The following AP2A2 variants were observed in gnomAD, a reference collection of about 807,000 sequenced individuals.
AP2A2 encodes adaptor related protein complex 2 subunit alpha 2.
Under a neutral mutation model 104.2 loss-of-function variants are expected in AP2A2, and 32 were observed. That is an observed-to-expected ratio of 0.31 (90% confidence interval 0.23 to 0.41). The LOEUF is 0.41. Among genes scored for constraint, AP2A2 ranks in the 10% least tolerant of loss-of-function variants. The probability of loss-of-function intolerance (pLI) is 1.00; values close to 1 mark genes in which losing one functional copy is unlikely to be tolerated. For missense variants in AP2A2, 912 were observed against 1,261.0 expected, an observed-to-expected ratio of 0.72 and a Z score of 4.19; for synonymous variants, 539 against 533.3, an observed-to-expected ratio of 1.01 and a Z score of -0.15.
chr11:1,006,943 C>T (rs753454268), intron 17 of AP2A2: 1 of 248,826 alleles, frequency 4.0e-6, no homozygotes, highest in Non-Finnish European at 7.7e-6. Flanking sequence ...AACCCCTCCT[C>T]TCCGAAGCCT....
At chr11:980,166 C>G (rs112351760) in intron 5 of AP2A2, among the ~76,000 whole-genome samples, 1 of 2 alleles carries the variant, frequency 0.5, no homozygotes. Flanking sequence ...CGGTGACAGG[C>G]TGCCCGGTGC....
rs758908829 is a variant in AP2A2 at position 988,536 on chromosome 11, G to C, written c.1132-16G>C. 3 of 1,608,188 alleles carry C rather than the reference G, an allele frequency of 1.9e-6. No individual in the cohort carries two copies. Among genetic ancestry groups the C allele is most frequent in the African/African-American group, 1.3e-5 (1 of 75,046 alleles). On this transcript the variant is annotated splice_polypyrimidine_tract_variant and intron_variant, in intron 9 of 21. Transcript: ENST00000448903. ...CCTTGCTCCTGCGACCTCTTACTCT[G>C]TGCCTTGTTCCCCAGACTGAGCGGG... is the stretch of plus-strand genomic sequence containing the variant.
intron 20 of AP2A2, 54 bp from the exon 21 acceptor site, chr11:1,009,628 AC>A (rs1400238560): frequency 6.9e-7 from 1 of 1,457,966 alleles, no homozygotes; most frequent in Admixed American, 2.0e-5. Flanking sequence ...GCCCCGGGGG[AC>A]ACGCTGCCCG....
At chr11:926,602 C>G (rs1399811000) in intron 1 of AP2A2, among the ~76,000 whole-genome samples, 1 of 152,178 alleles carries the variant, frequency 6.6e-6, no homozygotes, top group Admixed American at 6.5e-5. Flanking sequence ...TGGATTTTAG[C>G]TTTGGGAGCA....
rs373540497 is a variant in AP2A2 at position 984,759 on chromosome 11, G to A, written c.814+6G>A. ...GCAGTGCTACCCACCCCCAGGTAAC[G>A]CGCAGGCCGCGGCTCCTGAAGCTGC... On this transcript the variant is annotated splice_donor_region_variant and intron_variant, in intron 7 of 21. Transcript: ENST00000448903. 3.1e-5 allele frequency: 49 copies of A among 1,592,676 alleles called. No homozygotes were observed. The highest frequency in any genetic ancestry group is 1.7e-4 in the Middle Eastern group (1 of 6,052).
At chr11:980,861 G>A (rs1236040829) in intron 5 of AP2A2, among the ~76,000 whole-genome samples, 1 of 152,270 alleles carries the variant, frequency 6.6e-6, no homozygotes, top group Non-Finnish European at 1.5e-5. Context: ...GCAGATGACG[G>A]TGGAGGCCAG....
intron 14 of AP2A2, chr11:995,293 G>A (rs576217270): frequency 6.6e-6 from 3 of 455,888 alleles, no homozygotes; most frequent in Admixed American, 4.7e-5. Flanking sequence ...TGTGTGATGC[G>A]ATGAGAATAA....
chr11:964,189 T>C (rs547705728), intron 2 of AP2A2, among the ~76,000 whole-genome samples: 1 of 152,198 alleles, frequency 6.6e-6, no homozygotes, highest in East Asian at 1.9e-4. Flanking sequence ...TGTCTTGACA[T>C]GGGGGTGCTC....
intron 6 of AP2A2, among the ~76,000 whole-genome samples, chr11:984,255 G>A (rs560312303): frequency 6.6e-6 from 1 of 152,302 alleles, no homozygotes; most frequent in South Asian, 2.1e-4. Flanking sequence ...TGTGGTCGGG[G>A]GGCCCTGTGG....
chr11:935,248 G>A (rs115117061), intron 1 of AP2A2, among the ~76,000 whole-genome samples: 4,235 of 152,092 alleles, frequency 0.028, 202 homozygotes, highest in African/African-American at 0.095. Context: ...TAGTAGAGAC[G>A]GACTTTCACC....
chr11:973,512 C>G (rs1391079612), intron 4 of AP2A2, among the ~76,000 whole-genome samples: 1 of 152,170 alleles, frequency 6.6e-6, no homozygotes, highest in East Asian at 1.9e-4. Context: ...ATGGGTGACC[C>G]CACAGTAGGA....
At position 1,011,965 on chromosome 11, in the gene AP2A2, G is replaced by T; in HGVS notation, c.*1340G>T. 1 of 161,848 alleles carries T rather than the reference G, an allele frequency of 6.2e-6. No individual in the cohort carries two copies. The allele number at this position is 161,848 out of a possible 1,614,324, so 10.0% of individuals were successfully genotyped here. A position where few individuals can be genotyped will look rare whatever the true frequency, so the allele number is the denominator to read the frequency against. On this transcript the variant is annotated 3_prime_UTR_variant, in exon 22 of 22. Transcript: ENST00000448903. ...TGCGCCTCTCGCACAGGCCATTCTG[G>T]GTCTGGTGGTGCCAGGTGCCGTGAC...
chr11:1,008,709 A>G (rs1856297473), intron 18 of AP2A2: 1 of 252,494 alleles, frequency 4.0e-6, no homozygotes, highest in African/African-American at 2.2e-5. Context: ...AACATTAAAA[A>G]GACAGAGAAC....
At chr11:967,455 G>A (rs903103432) in intron 2 of AP2A2, among the ~76,000 whole-genome samples, 4 of 151,764 alleles carry the variant, frequency 2.6e-5, no homozygotes, top group Non-Finnish European at 5.9e-5. Context: ...TCTGCCTCCC[G>A]GGTTCATGCC....
At position 961,519 on chromosome 11, in the gene AP2A2, G is replaced by A. The variant is rs902506452; in HGVS notation, c.136+2014G>A. 8.4e-5 allele frequency among the ~76,000 whole-genome samples: 12 copies of A among 143,136 alleles called. No homozygotes were observed. The South Asian group carries it at 1.2e-3, about 14-fold the overall frequency. 93.9% of individuals were successfully genotyped at this position (143,136 alleles called of 152,430 possible). On this transcript the variant is annotated intron_variant, in intron 2 of 21. Transcript: ENST00000448903. ...AGATGGAGATGTGGGTCTGACAGTC[G>A]CCACCACCAGTGAAAAGTAAAGGGC... is the stretch of plus-strand genomic sequence containing the variant.
chr11:939,591 C>T (rs1297674513), intron 1 of AP2A2, among the ~76,000 whole-genome samples: 1 of 151,726 alleles, frequency 6.6e-6, no homozygotes. Flanking sequence ...CTTACAGGAG[C>T]CTGCCACACT....
chr11:1,010,757 C>T lies in AP2A2; in HGVS notation c.*132C>T. The T allele has an allele frequency of 1.3e-6, 1 of 753,712 alleles. No homozygotes were observed. The highest frequency in any genetic ancestry group is 2.3e-6 in the Non-Finnish European group (1 of 429,976). The allele number at this position is 753,712 out of a possible 1,614,324, so 46.7% of individuals were successfully genotyped here. On this transcript the variant is annotated 3_prime_UTR_variant, in exon 22 of 22. Coordinates refer to ENST00000448903, the MANE Select transcript of AP2A2 (RefSeq NM_012305.4). Reference sequence around the variant, plus strand: ...AAGGCGCCTCCCCGCCCCGCCGCCCCACACCTCTCCCCTTTGGGCTGGACG... The same window carrying T: ...AAGGCGCCTCCCCGCCCCGCCGCCCTACACCTCTCCCCTTTGGGCTGGACG...
rs367868093 is a variant in AP2A2, at chr11:985,510, A to G, written c.890A>G (p.Lys297Arg). The stretch of plus-strand genomic sequence containing the variant: ...AAAGCCCAAGAACCGCCCAAGTCGA[A>G]GAAGGTCCAGCACTCCAACGCGAAG... The part of the protein sequence containing the change: ...LNKAQEPPKS[K>R]KVQHSNAKNA... Residue 297 changes from lysine (K) to arginine (R), a missense_variant, in exon 8 of 22, where the codon AAG (lysine) becomes AGG (arginine). By Grantham distance (26) the Lys-to-Arg change is conservative (BLOSUM62 2). This residue lies in a region of AP2A2 where 350 missense variants were observed against 487.0 expected (regional missense o/e 0.72). Coordinates refer to ENST00000448903, the MANE Select transcript of AP2A2 (RefSeq NM_012305.4). The G allele has an allele frequency of 3.7e-6, 6 of 1,613,896 alleles. No homozygotes were observed. The highest frequency in any genetic ancestry group is 4.2e-6 in the Non-Finnish European group (5 of 1,179,892).
At chr11:946,770 C>CAATAAAAAAAAAAAAAA (rs1853851110) in intron 1 of AP2A2, 1 of 114,214 alleles carries the variant, frequency 8.8e-6, no homozygotes, top group African/African-American at 3.2e-5. Context: ...GATCCTGTCT[C>CAATAAAAAAAAAAAAAA]AAAAAAAAAG....
Sources: gnomAD v4.1 joint callset for allele counts (sites outside exome capture counted in the v4.1 genomes callset) on GRCh38, gnomAD v4.1.1 for gene constraint, gnomAD v4.1.1 regional missense constraint, MANE v1.5 for transcripts, NCBI Gene and HGNC (gene_info 2026-07-23, HGNC 2026-07-21) for gene names.